The following ABR variants were observed in gnomAD, a reference collection of about 807,000 sequenced individuals.
ABR encodes the protein ABR activator of RhoGEF and GTPase.
In ABR, 35 loss-of-function variants were observed where a neutral mutation model predicts 107.2. The ratio of observed to expected loss-of-function variants is 0.33; its 90% confidence interval spans 0.25 to 0.43. ABR has a LOEUF of 0.43. Ranked by LOEUF, ABR falls within the 20% of genes least tolerant of loss-of-function variation. The probability of loss-of-function intolerance (pLI) is 1.00; values close to 1 mark genes in which losing one functional copy is unlikely to be tolerated. For synonymous variants in ABR, 498 were observed against 462.0 expected (o/e 1.08, Z -1.00); for missense variants, 815 against 1,115.2 (o/e 0.73, Z 3.83).
At chr17:1,194,556 A>G (rs1279903419) in intron 1 of ABR, among the ~76,000 whole-genome samples, 1 of 128,112 alleles carries the variant, frequency 7.8e-6, no homozygotes, top group Non-Finnish European at 1.7e-5. Flanking sequence ...TAGTGGTGCA[A>G]TCATAGCTCA....
chr17:1,072,601 G>A lies in ABR; in HGVS notation c.894+13C>T, dbSNP rs964886688. 1 of 1,600,424 alleles carries A rather than the reference G, an allele frequency of 6.2e-7. No individual in the cohort carries two copies. Among genetic ancestry groups the A allele is most frequent in the African/African-American group, 1.3e-5 (1 of 74,250 alleles). On this transcript the variant is annotated intron_variant, in intron 8 of 22. Transcript: ENST00000302538. ...CAGCCTGGGTGAGGGGCCGTGCCGG[G>A]CTCTGAGCTCACCTCCCCCTTGGGC...
At chr17:1,172,006 A>G (rs1019543592) in intron 1 of ABR, among the ~76,000 whole-genome samples, 5 of 152,350 alleles carry the variant, frequency 3.3e-5, no homozygotes, top group East Asian at 3.9e-4. Context: ...ATCTGGCTCT[A>G]TCTACTGAAG....
intron 1 of ABR, among the ~76,000 whole-genome samples, chr17:1,194,281 G>A (rs556111498): frequency 1.6e-4 from 24 of 151,060 alleles, no homozygotes; most frequent in Admixed American, 3.3e-4. Context: ...TCCGCCTCCC[G>A]GGTTCAAGTA....
At chr17:1,048,290 C>A (rs570479026) in intron 16 of ABR, among the ~76,000 whole-genome samples, 1 of 152,210 alleles carries the variant, frequency 6.6e-6, no homozygotes, top group African/African-American at 2.4e-5. Context: ...GAACACGGGG[C>A]GTATGCGGCA....
chr17:1,122,761 T>TAGATAC (rs765554544), intron 2 of ABR, among the ~76,000 whole-genome samples: 4 of 152,228 alleles, frequency 2.6e-5, no homozygotes, highest in Non-Finnish European at 5.9e-5. Context: ...TATGTAGATA[T>TAGATAC]AGATACAGAT....
chr17:1,102,683 T>A (rs1413441235), intron 2 of ABR, among the ~76,000 whole-genome samples: 1 of 152,056 alleles, frequency 6.6e-6, no homozygotes, highest in Non-Finnish European at 1.5e-5. Flanking sequence ...GCCCTGGAGA[T>A]CCTTTTTATT....
At chr17:1,146,714 C>G (rs1597968936) in intron 1 of ABR, among the ~76,000 whole-genome samples, 1 of 150,874 alleles carries the variant, frequency 6.6e-6, no homozygotes, top group African/African-American at 2.4e-5. Context: ...CCACCACTGC[C>G]ACTACTGCCA....
chr17:1,082,708 C>T (rs2036328777), intron 5 of ABR, among the ~76,000 whole-genome samples: 1 of 152,174 alleles, frequency 6.6e-6, no homozygotes, highest in African/African-American at 2.4e-5. Flanking sequence ...ATAAATATTA[C>T]CCAGAAGCTT....
intron 4 of ABR, among the ~76,000 whole-genome samples, chr17:1,087,917 G>T (rs998946195): frequency 3.9e-5 from 6 of 152,212 alleles, no homozygotes; most frequent in South Asian, 2.1e-4. Context: ...GGCTTGGCAG[G>T]TTCATTAACT....
rs1188824586 is a variant in ABR at position 1,094,831 on chromosome 17, C to T, written c.346-2981G>A. Among the ~76,000 whole-genome samples the T allele has an allele frequency of 2.0e-5, 3 of 151,532 alleles. No individual in the cohort carries two copies. In the East Asian group the frequency reaches 5.9e-4, roughly 30 times the overall value. ...GCACACATACCAGGTCCTTGGAGAG[C>T]TGAGCAGGTGGAGGAGTGGGGGCGT... On this transcript the variant is annotated intron_variant, in intron 3 of 22. Transcript: ENST00000302538.
chr17:1,119,401 GT>G (rs751046372), intron 2 of ABR, among the ~76,000 whole-genome samples: 2 of 95,918 alleles, frequency 2.1e-5, no homozygotes, highest in Admixed American at 1.2e-4. Flanking sequence ...CTGAGCCTGA[GT>G]TCCTCCCAGC....
At chr17:1,184,721 G>A (rs2042238373), upstream of ABR, among the ~76,000 whole-genome samples, 2 of 151,344 alleles carry the variant, frequency 1.3e-5, no homozygotes, top group Admixed American at 1.3e-4. Flanking sequence ...GAGTGCAGTG[G>A]GCATTCTCAC....
At chr17:1,141,389 C>T (rs1162374497) in intron 1 of ABR, among the ~76,000 whole-genome samples, 3 of 152,146 alleles carry the variant, frequency 2.0e-5, no homozygotes, top group South Asian at 2.1e-4. Flanking sequence ...ATTAGCACTT[C>T]GGGAATGTGA....
chr17:1,142,477 CGGG>C (rs1423769831), intron 1 of ABR, among the ~76,000 whole-genome samples: 1 of 151,108 alleles, frequency 6.6e-6, no homozygotes, highest in Admixed American at 6.6e-5. Context: ...CCCAGCTACT[CGGG>C]GGGCTGAGGC....
intron 2 of ABR, among the ~76,000 whole-genome samples, chr17:1,116,337 G>C (rs12325756): frequency 0.62 from 94,484 of 152,038 alleles, 29,565 homozygotes; most frequent in African/African-American, 0.67. Flanking sequence ...CCTGCACTCT[G>C]GATGTGAGCC....
intron 1 of ABR, among the ~76,000 whole-genome samples, chr17:1,216,104 T>C (rs2043002932): frequency 6.6e-6 from 1 of 151,522 alleles, no homozygotes; most frequent in Non-Finnish European, 1.5e-5. Flanking sequence ...TCTGCTGACC[T>C]TCCCTCCACT....
At chr17:1,160,032 G>A (rs551923829) in intron 1 of ABR, among the ~76,000 whole-genome samples, 1 of 152,184 alleles carries the variant, frequency 6.6e-6, no homozygotes. Context: ...TTGGGGCTGA[G>A]AGGAGAGGGA....
At chr17:1,225,668 AAAG>A (rs1342337221) in intron 1 of ABR, among the ~76,000 whole-genome samples, 2 of 152,162 alleles carry the variant, frequency 1.3e-5, no homozygotes, top group African/African-American at 2.4e-5. Context: ...AAAGAAAAAG[AAAG>A]AAGAAGCAAC....
intron 9 of ABR, among the ~76,000 whole-genome samples, chr17:1,069,583 A>G (rs1208076693): frequency 6.6e-6 from 1 of 152,118 alleles, no homozygotes; most frequent in East Asian, 1.9e-4. Flanking sequence ...GAGGCAGGAA[A>G]ATCGCTTGAA....
Sources: gnomAD v4.1 joint callset for allele counts (sites outside exome capture counted in the v4.1 genomes callset) on GRCh38, gnomAD v4.1.1 for gene constraint, MANE v1.5 for transcripts, NCBI Gene and HGNC (gene_info 2026-07-23, HGNC 2026-07-21) for gene names.